Variants in PTPRD observed in about 807,000 individuals in gnomAD.
The protein encoded by PTPRD is receptor-type tyrosine-protein phosphatase delta.
A neutral mutation model predicts 214.5 loss-of-function variants in PTPRD; 34 were observed. The ratio of observed to expected loss-of-function variants is 0.16; its 90% CI spans 0.12 to 0.21. The LOEUF (loss-of-function observed/expected upper bound fraction) is 0.21, where lower values mean the gene tolerates loss of function less well. Ranked by LOEUF, PTPRD falls within the 10% of genes least tolerant of loss-of-function variation. The pLI is 1.00. For missense variants in PTPRD, 2,545 were observed against 2,398.7 expected, an observed-to-expected ratio of 1.06 and a Z score of -1.27; for synonymous variants, 1,128 against 845.7, an observed-to-expected ratio of 1.33 and a Z score of -5.79.
chr9:10,026,351 C>T (rs1315342610), intron 4 of PTPRD, among the ~76,000 whole-genome samples: 1 of 152,146 alleles, frequency 6.6e-6, no homozygotes, highest in East Asian at 1.9e-4. Context: ...GAAGAGAAGT[C>T]TCAACATTAA....
intron 10 of PTPRD, among the ~76,000 whole-genome samples, chr9:9,025,409 T>A (rs980113990): frequency 6.6e-6 from 1 of 152,040 alleles, no homozygotes; most frequent in Admixed American, 6.6e-5. Context: ...AAATTGTGAA[T>A]GTAATCTTAA....
chr9:9,081,903 G>A (rs771698921), intron 10 of PTPRD, among the ~76,000 whole-genome samples: 6 of 149,806 alleles, frequency 4.0e-5, no homozygotes, highest in Admixed American at 6.7e-5. Context: ...GTCTTTGCAC[G>A]TGAGGTGGGT....
chr9:9,577,639 G>A (rs1024713917), intron 7 of PTPRD, among the ~76,000 whole-genome samples: 4 of 152,202 alleles, frequency 2.6e-5, no homozygotes, highest in African/African-American at 7.2e-5. Flanking sequence ...TTTCAGAGGA[G>A]AGATTTATGA....
chr9:8,923,402 G>A (rs997124260), intron 11 of PTPRD, among the ~76,000 whole-genome samples: 6 of 151,604 alleles, frequency 4.0e-5, no homozygotes, highest in African/African-American at 1.5e-4. Context: ...AATAAAACGA[G>A]TCATACCAAA....
chr9:8,615,229 C>A (rs1003650900), intron 14 of PTPRD, among the ~76,000 whole-genome samples: 1 of 151,170 alleles, frequency 6.6e-6, no homozygotes, highest in Non-Finnish European at 1.5e-5. Context: ...CTCCCATTAG[C>A]GTTAATGGGA....
At chr9:9,607,033 T>G (rs988270307) in intron 7 of PTPRD, among the ~76,000 whole-genome samples, 2 of 111,564 alleles carry the variant, frequency 1.8e-5, no homozygotes, top group African/African-American at 6.9e-5. Flanking sequence ...CCGACCAGCA[T>G]AATTCAGAGG....
intron 35 of PTPRD, among the ~76,000 whole-genome samples, chr9:8,416,181 C>A (rs2131318618): frequency 6.6e-6 from 1 of 152,106 alleles, no homozygotes; most frequent in East Asian, 1.9e-4. Flanking sequence ...AAGTGTGAAG[C>A]TATTAAAATT....
At chr9:9,554,127 C>G (rs1482301621) in intron 8 of PTPRD, among the ~76,000 whole-genome samples, 1 of 151,916 alleles carries the variant, frequency 6.6e-6, no homozygotes, top group African/African-American at 2.4e-5. Context: ...GATATGTGGG[C>G]AAGAATCCAA....
At chr9:8,680,407 G>T (rs1465969733) in intron 12 of PTPRD, among the ~76,000 whole-genome samples, 1 of 152,090 alleles carries the variant, frequency 6.6e-6, no homozygotes, top group Non-Finnish European at 1.5e-5. Context: ...TTCTCACTCA[G>T]CTACTGGTGT....
At chr9:8,774,677 G>A (rs373258046) in intron 11 of PTPRD, among the ~76,000 whole-genome samples, 1 of 151,922 alleles carries the variant, frequency 6.6e-6, no homozygotes, top group African/African-American at 2.4e-5. Flanking sequence ...TGGGATTACA[G>A]GCATGCGCCA....
intron 8 of PTPRD, among the ~76,000 whole-genome samples, chr9:9,453,700 G>C (rs139577959): frequency 8.1e-4 from 123 of 151,802 alleles, no homozygotes; most frequent in African/African-American, 2.7e-3. Flanking sequence ...ACAGATATAA[G>C]TAACATAAAC....
intron 3 of PTPRD, among the ~76,000 whole-genome samples, chr9:10,232,599 G>C (rs2099615397): frequency 6.6e-6 from 1 of 151,996 alleles, no homozygotes; most frequent in Non-Finnish European, 1.5e-5. Flanking sequence ...TGCATCTCCA[G>C]AGTCTTGTAA....
chr9:9,431,288 C>G (rs1380443686), intron 8 of PTPRD, among the ~76,000 whole-genome samples: 2 of 152,154 alleles, frequency 1.3e-5, no homozygotes, highest in East Asian at 3.9e-4. Flanking sequence ...ATGCAGTCAA[C>G]AGACACATGA....
intron 4 of PTPRD, among the ~76,000 whole-genome samples, chr9:10,020,444 G>A (rs1433703503): frequency 1.6e-5 from 2 of 125,328 alleles, no homozygotes; most frequent in African/African-American, 5.6e-5. Flanking sequence ...TGGGACTACA[G>A]GTGTGCCGCC....
chr9:10,164,467 T>C (rs1382435928), intron 3 of PTPRD, among the ~76,000 whole-genome samples: 5 of 151,498 alleles, frequency 3.3e-5, no homozygotes, highest in South Asian at 4.1e-4. Flanking sequence ...GTTTGTTTGA[T>C]GTTACCTGAA....
chr9:9,287,706 T>C (rs933836089), intron 9 of PTPRD, among the ~76,000 whole-genome samples: 5 of 151,908 alleles, frequency 3.3e-5, no homozygotes, highest in African/African-American at 1.2e-4. Flanking sequence ...TTTGCAGCAC[T>C]TTTGAAACAT....
At chr9:10,098,471 T>C (rs2098517000) in intron 3 of PTPRD, among the ~76,000 whole-genome samples, 3 of 151,546 alleles carry the variant, frequency 2.0e-5, no homozygotes, top group African/African-American at 7.3e-5. Flanking sequence ...TGTGCACATG[T>C]ACCCTAAAAC....
intron 11 of PTPRD, among the ~76,000 whole-genome samples, chr9:8,880,905 A>G (rs76365784): frequency 0.04 from 6,124 of 152,132 alleles, 451 homozygotes; most frequent in African/African-American, 0.14. Context: ...CCACATGCAC[A>G]CTACCATGCC....
At chr9:8,413,645 T>C (rs1198324352) in intron 35 of PTPRD, among the ~76,000 whole-genome samples, 1 of 152,150 alleles carries the variant, frequency 6.6e-6, no homozygotes, top group Non-Finnish European at 1.5e-5. Context: ...AAATATAGGC[T>C]TCTAATCAAA....
Sources: gnomAD v4.1 joint callset for allele counts (sites outside exome capture counted in the v4.1 genomes callset) on GRCh38, gnomAD v4.1.1 for gene constraint, MANE v1.5 for transcripts, NCBI Gene and HGNC (gene_info 2026-07-23, HGNC 2026-07-21) for gene names.